The following CPEB3 variants were observed in gnomAD, a reference collection of about 807,000 sequenced individuals.
CPEB3 encodes cytoplasmic polyadenylation element-binding protein 3.
In CPEB3, 20 loss-of-function variants were observed where a neutral mutation model predicts 67.2. The ratio of observed to expected loss-of-function variants is 0.30; its 90% CI spans 0.21 to 0.43. The LOEUF (loss-of-function observed/expected upper bound fraction) is 0.43, where lower values mean the gene tolerates loss of function less well. Among genes scored for constraint, CPEB3 ranks in the 20% least tolerant of loss-of-function variants. CPEB3 has a pLI of 1.00. For synonymous variants in CPEB3, 376 were observed against 393.1 expected (o/e 0.96, Z 0.51); for missense variants, 746 against 968.6 (o/e 0.77, Z 3.05).
chr10:92,141,493 A>G (rs1229426588), intron 6 of CPEB3, among the ~76,000 whole-genome samples: 3 of 128,016 alleles, frequency 2.3e-5, no homozygotes, highest in Admixed American at 1.6e-4. Context: ...GGGTGGGGGG[A>G]TGGGGGAGGG....
chr10:92,208,954 T>C (rs567232798), intron 2 of CPEB3, among the ~76,000 whole-genome samples: 1 of 152,296 alleles, frequency 6.6e-6, no homozygotes, highest in African/African-American at 2.4e-5. Context: ...TATGGCTCTG[T>C]CATTGCATTT....
In CPEB3 at chr10:92,229,915, G is replaced by A. The variant is rs970075247; in HGVS notation, c.1005+9431C>T. 5.9e-5 allele frequency among the ~76,000 whole-genome samples: 9 copies of A among 152,250 alleles called. 1 individual carries two copies. The highest frequency in any genetic ancestry group is 2.1e-4 in the South Asian group (1 of 4,818). ...CACAAAATTAGCAGGGCATGGTGGC[G>A]CATGCCTATAATCCCAGCTACTTGG... is the stretch of plus-strand genomic sequence containing the variant. On this transcript the variant is annotated intron_variant, in intron 2 of 9. Coordinates refer to ENST00000265997, the MANE Select transcript of CPEB3 (RefSeq NM_014912.5).
chr10:92,186,436 A>AT (rs373212390), intron 3 of CPEB3, among the ~76,000 whole-genome samples: 67 of 143,266 alleles, frequency 4.7e-4, no homozygotes, highest in East Asian at 2.3e-3. Flanking sequence ...AACTCAGGTG[A>AT]TTTTTTTTTT....
chr10:92,168,518 A>G (rs1847850070), intron 4 of CPEB3, among the ~76,000 whole-genome samples: 1 of 152,224 alleles, frequency 6.6e-6, no homozygotes. Flanking sequence ...CTTGAATTGT[A>G]GTTCCCATAA....
At chr10:92,192,451 G>A in intron 3 of CPEB3, 26 bp downstream of exon 3, 1 of 1,571,136 alleles carries the variant, frequency 6.4e-7, no homozygotes, top group Non-Finnish European at 8.6e-7. Flanking sequence ...CACCAAGCAA[G>A]AAATGGACAT....
At chr10:92,226,862 G>A in intron 2 of CPEB3, among the ~76,000 whole-genome samples, 1 of 144,724 alleles carries the variant, frequency 6.9e-6, no homozygotes, top group South Asian at 2.3e-4. Flanking sequence ...TGGGGGCCTG[G>A]AAGGAGGGGA....
chr10:92,105,507 T>G (rs2133427321), intron 7 of CPEB3, among the ~76,000 whole-genome samples: 1 of 152,296 alleles, frequency 6.6e-6, no homozygotes, highest in East Asian at 1.9e-4. Flanking sequence ...CTTGGCCAAC[T>G]CCACATTCTC....
chr10:92,225,128 C>T (rs192829848), intron 2 of CPEB3, among the ~76,000 whole-genome samples: 1 of 151,936 alleles, frequency 6.6e-6, no homozygotes, highest in Non-Finnish European at 1.5e-5. Context: ...GTGTGTGCCA[C>T]CACACCCAGC....
At chr10:92,203,697 C>A (rs1225155135) in intron 2 of CPEB3, among the ~76,000 whole-genome samples, 1 of 151,910 alleles carries the variant, frequency 6.6e-6, no homozygotes, top group East Asian at 1.9e-4. Flanking sequence ...GCTGGGATTG[C>A]AGACATGAGC....
At chr10:92,144,130 TA>T (rs1264885520) in intron 5 of CPEB3, among the ~76,000 whole-genome samples, 1 of 152,226 alleles carries the variant, frequency 6.6e-6, no homozygotes, top group Non-Finnish European at 1.5e-5. Context: ...TACCGTGTGC[TA>T]AAATAAACTG....
intron 7 of CPEB3, among the ~76,000 whole-genome samples, chr10:92,106,259 C>CCCT (rs1382172337): frequency 6.7e-6 from 1 of 149,068 alleles, no homozygotes; most frequent in Non-Finnish European, 1.5e-5. Context: ...TCCCTCATTA[C>CCCT]CATTTAATTA....
chr10:92,283,147 G>C lies in CPEB3; in HGVS notation c.-12+7779C>G, dbSNP rs567833679. Among the ~76,000 whole-genome samples, 423 of 152,102 alleles carry C rather than the reference G, an allele frequency of 2.8e-3. 3 individuals carry two copies. Among genetic ancestry groups the C allele is most frequent in the Non-Finnish European group, 4.7e-3 (318 of 67,942 alleles). On this transcript the variant is annotated intron_variant, in intron 1 of 9. Coordinates refer to ENST00000265997, the MANE Select transcript of CPEB3 (RefSeq NM_014912.5). ...TGTGCCTGTAGTCCTAGCTACTCAG[G>C]AGGCTGAGGTGGGAGGATCACCTGA...
rs188244481 is a variant in CPEB3, at chr10:92,061,905, A to G, written c.1870-9466T>C. On this transcript the variant is annotated intron_variant, in intron 9 of 9. Transcript: ENST00000265997. The stretch of plus-strand genomic sequence containing the variant: ...ATTCTCCATGATGTGCTTATTTCAC[A>G]TTGCATACCTATATCAAAATATCTA... Among the ~76,000 whole-genome samples the G allele has an allele frequency of 1.8e-4, 28 of 152,288 alleles. No individual in the cohort carries two copies. The East Asian group carries it at 5.2e-3, about 28-fold the overall frequency.
intron 2 of CPEB3, among the ~76,000 whole-genome samples, chr10:92,206,444 T>G (rs1291604635): frequency 6.6e-6 from 1 of 152,114 alleles, no homozygotes; most frequent in Admixed American, 6.5e-5. Context: ...CTTTTTCCCT[T>G]TCGTTTTGAG....
At chr10:92,272,510 T>C (rs1853351396) in intron 1 of CPEB3, among the ~76,000 whole-genome samples, 2 of 152,198 alleles carry the variant, frequency 1.3e-5, no homozygotes, top group Non-Finnish European at 2.9e-5. Flanking sequence ...TGGGTATCTA[T>C]CTATAAACTC....
rs1341099146 is a variant in CPEB3 at position 92,046,973 on chromosome 10, A to T, written c.*5239T>A. The T allele has an allele frequency of 6.6e-6, 1 of 152,250 alleles. No individual in the cohort carries two copies. Among genetic ancestry groups the T allele is most frequent in the Non-Finnish European group, 1.5e-5 (1 of 68,042 alleles). 9.4% of individuals were successfully genotyped at this position (152,250 alleles called of 1,614,324 possible). ...CAGAGATCCTAGCTGTGAACACTCTAAAAGTTAAGTCCATTATTTTGACAG... is the reference window on the plus strand; with the variant it reads ...CAGAGATCCTAGCTGTGAACACTCTTAAAGTTAAGTCCATTATTTTGACAG... On this transcript the variant is annotated 3_prime_UTR_variant, in exon 10 of 10. Transcript: ENST00000265997.
chr10:92,268,905 G>A (rs1167639246), intron 1 of CPEB3, among the ~76,000 whole-genome samples: 2 of 152,052 alleles, frequency 1.3e-5, no homozygotes, highest in African/African-American at 4.8e-5. Flanking sequence ...GAAATTTCAG[G>A]AGGGCACAAT....
chr10:92,080,891 G>A (rs770924901), intron 9 of CPEB3, among the ~76,000 whole-genome samples: 12 of 152,056 alleles, frequency 7.9e-5, no homozygotes, highest in African/African-American at 2.7e-4. Context: ...GAGCCACCGC[G>A]CCCGGTCATT....
intron 1 of CPEB3, among the ~76,000 whole-genome samples, chr10:92,274,807 A>C (rs1221242415): frequency 6.6e-6 from 1 of 152,186 alleles, no homozygotes; most frequent in African/African-American, 2.4e-5. Flanking sequence ...CCTGGGCAAC[A>C]GAGGGAGACT....
Sources: gnomAD v4.1 joint callset for allele counts (sites outside exome capture counted in the v4.1 genomes callset) on GRCh38, gnomAD v4.1.1 for gene constraint, MANE v1.5 for transcripts, NCBI Gene and HGNC (gene_info 2026-07-23, HGNC 2026-07-21) for gene names.